Variants in TBC1D15 observed in about 807,000 individuals in gnomAD.
TBC1D15 encodes the protein GAP for RAB7.
Under a neutral mutation model 95.4 loss-of-function variants are expected in TBC1D15, and 39 were observed. The observed-to-expected ratio is 0.41, with a 90% CI of 0.32 to 0.53. TBC1D15 has a LOEUF of 0.53. Among genes scored for constraint, TBC1D15 ranks in the 20% least tolerant of loss-of-function variants. The pLI is 0.29. For synonymous variants in TBC1D15, 258 were observed against 261.3 expected (o/e 0.99, Z 0.12); for missense variants, 733 against 794.3 (o/e 0.92, Z 0.93).
chr12:71,850,846 G>A (rs1250339944), intron 1 of TBC1D15, among the ~76,000 whole-genome samples: 1 of 151,876 alleles, frequency 6.6e-6, no homozygotes, highest in East Asian at 1.9e-4. Flanking sequence ...AATTAGCCAG[G>A]TGTTGTGGCG....
rs1283315290 is a variant in TBC1D15 at position 71,882,074 on chromosome 12, T to TC, written c.343+1473dup. Among the ~76,000 whole-genome samples the TC allele has an allele frequency of 1.7e-4, 26 of 151,836 alleles. 1 individual carries two copies. Among genetic ancestry groups the TC allele is most frequent in the Admixed American group, 5.2e-4 (8 of 15,266 alleles). The stretch of plus-strand genomic sequence containing the variant: ...CTTTCTTATTTTCTAAAAGTTTTTT[T>TC]CCCCCCAAAGAAAAAGCTTTTGTTT... On this transcript the variant is annotated intron_variant, in intron 4 of 16. Transcript: ENST00000485960.
rs1900965794 is a variant in TBC1D15 at position 71,907,302 on chromosome 12, G to C, written c.1300+164G>C. On this transcript the variant is annotated intron_variant, in intron 11 of 16. Coordinates refer to ENST00000485960, the MANE Select transcript of TBC1D15 (RefSeq NM_001146213.3). ...TACAAGGCTATGGTTCTCAACCAAG[G>C]AGCCCTGGGTTGCTGCAGCAAACTA... 3 of 451,548 alleles carry C rather than the reference G, an allele frequency of 6.6e-6. No individual in the cohort carries two copies. The South Asian group carries it at 1.3e-4, about 19-fold the overall frequency. The allele number at this position is 451,548 out of a possible 1,614,324, so 28.0% of individuals were successfully genotyped here.
At chr12:71,874,420 A>G (rs1007578839) in intron 3 of TBC1D15, among the ~76,000 whole-genome samples, 9 of 151,978 alleles carry the variant, frequency 5.9e-5, no homozygotes, top group African/African-American at 1.9e-4. Flanking sequence ...TATTGGTTCT[A>G]TTTGATGTAG....
Position 71,896,450 on chromosome 12 carries a change from TGTATTCTGTAGTCTAC to T in TBC1D15, c.985-226_985-211del, listed in dbSNP as rs1898192642. ...ACACTGTCTGTCTGCTGTAGTCTAC[TGTATTCTGTAGTCTAC>T]TGTATTCTGTGCACTGTTTAAACTT... On this transcript the variant is annotated intron_variant, in intron 8 of 16. Transcript: ENST00000485960. The T allele has an allele frequency of 1.4e-4, 36 of 263,892 alleles. 2 individuals carry two copies. The South Asian group carries it at 3.2e-3, about 23-fold the overall frequency. The allele number at this position is 263,892 out of a possible 1,614,324, so 16.3% of individuals were successfully genotyped here.
At chr12:71,849,671 C>G (rs1887262503) in intron 1 of TBC1D15, 1 of 557,992 alleles carries the variant, frequency 1.8e-6, no homozygotes, top group Non-Finnish European at 3.4e-6. Flanking sequence ...CCATCAGCAA[C>G]TCTATCTCCT....
chr12:71,893,642 GAGT>G (rs1220895098), intron 6 of TBC1D15, among the ~76,000 whole-genome samples: 2 of 151,886 alleles, frequency 1.3e-5, no homozygotes, highest in Non-Finnish European at 2.9e-5. Context: ...AGGGATCACA[GAGT>G]AGGCCAGTTT....
Position 71,895,959 on chromosome 12 carries a change from G to C in TBC1D15, c.868G>C (p.Glu290Gln). The change falls in exon 8 of 17, where the codon GAA becomes CAA. Residue 290 changes from glutamate to glutamine, a missense_variant. By Grantham distance (29) the Glu-to-Gln change is conservative. Transcript: ENST00000485960. ...ATCTTATTTTTAGATTGATTTGGGG[G>C]AACGCCCTGTTGTTCAAAGGAGAGA... is the stretch of plus-strand genomic sequence containing the variant. Reference protein sequence around the residue: ...FEVITRIDLGERPVVQRREPV... With the variant: ...FEVITRIDLGQRPVVQRREPV... 6.2e-7 allele frequency: 1 copy of C among 1,611,784 alleles called. No homozygotes were observed. Among genetic ancestry groups the C allele is most frequent in the Non-Finnish European group, 8.5e-7 (1 of 1,178,564 alleles).
chr12:71,854,708 T>C (rs946756670), intron 1 of TBC1D15: 4 of 455,440 alleles, frequency 8.8e-6, no homozygotes, highest in African/African-American at 8.0e-5. Context: ...AAAGTGTCTT[T>C]TTTCTTCCTT....
At chr12:71,890,803 CTTTGA>C (rs897877602) in intron 5 of TBC1D15, among the ~76,000 whole-genome samples, 1 of 152,150 alleles carries the variant, frequency 6.6e-6, no homozygotes, top group African/African-American at 2.4e-5. Context: ...TGTTTGTGTT[CTTTGA>C]TTTATCATCA....
chr12:71,880,005 A>G (rs1220186128), intron 3 of TBC1D15, among the ~76,000 whole-genome samples: 1 of 152,174 alleles, frequency 6.6e-6, no homozygotes, highest in East Asian at 1.9e-4. Context: ...TGTTGCTTTT[A>G]GCTAATTTTG....
chr12:71,877,670 A>G (rs1323028287), intron 3 of TBC1D15, among the ~76,000 whole-genome samples: 1 of 151,596 alleles, frequency 6.6e-6, no homozygotes, highest in African/African-American at 2.4e-5. Context: ...TTACTAAGAC[A>G]TCTTTCTTGT....
chr12:71,857,268 C>T (rs950147422), intron 1 of TBC1D15, among the ~76,000 whole-genome samples: 2 of 151,732 alleles, frequency 1.3e-5, no homozygotes, highest in African/African-American at 2.4e-5. Context: ...TTAATTTTTG[C>T]GTTAGAGATC....
chr12:71,854,851 A>G lies in TBC1D15; in HGVS notation c.30+15040A>G, dbSNP rs961017746. On this transcript the variant is annotated intron_variant, in intron 1 of 16. Coordinates refer to ENST00000485960, the MANE Select transcript of TBC1D15 (RefSeq NM_001146213.3). ...ATCTGTTCTTCCCTTTCTTTTTCTC[A>G]AGGTATATTTTTTCATTGTTGAATT... The G allele has an allele frequency of 1.1e-5, 5 of 456,282 alleles. No homozygotes were observed. The Admixed American group carries it at 1.2e-4, about 11-fold the overall frequency. The allele number at this position is 456,282 out of a possible 1,614,324, so 28.3% of individuals were successfully genotyped here.
chr12:71,917,813 C>T lies in TBC1D15; in HGVS notation c.1501+16C>T, dbSNP rs778080280. 3 of 1,509,280 alleles carry T rather than the reference C, an allele frequency of 2.0e-6. No homozygotes were observed. The African/African-American group carries it at 4.1e-5, about 21-fold the overall frequency. 93.5% of individuals were successfully genotyped at this position (1,509,280 alleles called of 1,614,324 possible). On this transcript the variant is annotated intron_variant, in intron 13 of 16. Transcript: ENST00000485960. ...AGTTACTTAGGTAAGTTTAGTGAAT[C>T]AGAACTATACCCAGCAAATTGTAGA...
At chr12:71,917,603 G>T in intron 12 of TBC1D15, 95 bp from the exon 13 acceptor site, 1 of 784,368 alleles carries the variant, frequency 1.3e-6, no homozygotes. Flanking sequence ...TATAAGTTCA[G>T]CATTTGTCCT....
At chr12:71,906,385 G>A (rs1427961535) in intron 10 of TBC1D15, among the ~76,000 whole-genome samples, 1 of 152,174 alleles carries the variant, frequency 6.6e-6, no homozygotes, top group Non-Finnish European at 1.5e-5. Context: ...AGGCATCAGT[G>A]TTTGTGAATT....
At chr12:71,851,086 G>T (rs1169621512) in intron 1 of TBC1D15, among the ~76,000 whole-genome samples, 1 of 151,406 alleles carries the variant, frequency 6.6e-6, no homozygotes, top group Non-Finnish European at 1.5e-5. Flanking sequence ...TGTACAGGAA[G>T]CATGATGCTG....
intron 7 of TBC1D15, 129 bp downstream of exon 7, chr12:71,895,012 A>G (rs2138697366): frequency 2.6e-6 from 2 of 756,104 alleles, no homozygotes; most frequent in East Asian, 2.7e-5. Flanking sequence ...TTTTGCTAGT[A>G]TATCTGACAA....
intron 5 of TBC1D15, among the ~76,000 whole-genome samples, chr12:71,887,517 T>G (rs887102343): frequency 1.3e-5 from 2 of 152,224 alleles, no homozygotes; most frequent in African/African-American, 4.8e-5. Context: ...ATTCTACTCA[T>G]GCAGATTTCT....
Sources: gnomAD v4.1 joint callset for allele counts (sites outside exome capture counted in the v4.1 genomes callset) on GRCh38, gnomAD v4.1.1 for gene constraint, MANE v1.5 for transcripts, NCBI Gene and HGNC (gene_info 2026-07-23, HGNC 2026-07-21) for gene names.